LPA: variants seen among roughly 807,000 people sequenced by gnomAD.
LPA encodes apolipoprotein(a).
A neutral mutation model predicts 197.9 loss-of-function variants in LPA; 199 were observed. The ratio of observed to expected loss-of-function variants is 1.01; its 90% CI spans 0.90 to 1.13. The LOEUF (loss-of-function observed/expected upper bound fraction) is 1.13, where lower values mean the gene tolerates loss of function less well. LPA is among the 50% of genes most tolerant of loss of function. The pLI is 0.00. For missense variants in LPA, 1,853 were observed against 1,785.8 expected (o/e 1.04, Z -0.68); for synonymous variants, 715 against 639.5 (o/e 1.12, Z -1.78).
At chr6:160,539,430 T>C (rs1324401403) in intron 36 of LPA, among the ~76,000 whole-genome samples, 1 of 151,076 alleles carries the variant, frequency 6.6e-6, no homozygotes. Context: ...CATTTGTAAA[T>C]TGTATGTTGT....
chr6:160,578,555 G>A lies in LPA; in HGVS notation c.4439C>T (p.Pro1480Leu), dbSNP rs768808174. 9.9e-6 allele frequency: 16 copies of A among 1,613,842 alleles called. No individual in the cohort carries two copies. The highest frequency in any genetic ancestry group is 1.3e-5 in the Non-Finnish European group (15 of 1,179,766). Reference protein sequence around the residue: ...SSVLTTPTVAPVPSTEAPSEQ... With the variant: ...SSVLTTPTVALVPSTEAPSEQ... ...AGAAGGAGCCTCTGTGCTTGGAACC[G>A]GGGCCACTGTGGGAGTTGTGAGGAC... Residue 1480 changes from proline (P) to leucine (L), a missense_variant, in exon 27 of 39, where the codon CCG becomes CTG. Physicochemically the swap from Pro to Leu is moderately conservative, Grantham distance 98. Coordinates refer to ENST00000316300, the MANE Select transcript of LPA (RefSeq NM_005577.4).
At chr6:160,662,291 G>A (rs1192077881) in intron 1 of LPA, among the ~76,000 whole-genome samples, 2 of 152,192 alleles carry the variant, frequency 1.3e-5, no homozygotes, top group Non-Finnish European at 2.9e-5. Flanking sequence ...TTTTATTAAT[G>A]GTGTGAGAAT....
intron 26 of LPA, among the ~76,000 whole-genome samples, chr6:160,583,176 A>AT (rs1778832511): frequency 1.3e-5 from 2 of 151,400 alleles, no homozygotes; most frequent in African/African-American, 4.8e-5. Flanking sequence ...TTTTGGGTCT[A>AT]TTTGTATTGA....
At chr6:160,648,566 G>T (rs1779947212) in intron 2 of LPA, among the ~76,000 whole-genome samples, 1 of 152,026 alleles carries the variant, frequency 6.6e-6, no homozygotes, top group Non-Finnish European at 1.5e-5. Flanking sequence ...ATGTGTGTGT[G>T]TGTTTGTAAG....
At chr6:160,540,204 A>G (rs745751792) in intron 35 of LPA, 21 bp from the exon 36 acceptor site, 1 of 1,614,128 alleles carries the variant, frequency 6.2e-7, no homozygotes, top group Non-Finnish European at 8.5e-7. Flanking sequence ...TGAGGATGTC[A>G]AGAGAAAAAT....
chr6:160,545,372 T>A, intron 33 of LPA, 68 bp downstream of exon 33: 8 of 1,194,012 alleles, frequency 6.7e-6, no homozygotes, highest in Non-Finnish European at 9.9e-6. Context: ...TTTCTGTTTT[T>A]TTTGCTTTTT....
chr6:160,606,151 T>G (rs1166354627), intron 17 of LPA, among the ~76,000 whole-genome samples: 2 of 152,174 alleles, frequency 1.3e-5, no homozygotes, highest in Non-Finnish European at 2.9e-5. Flanking sequence ...CTTACTGGCT[T>G]GGAAAGAGTC....
chr6:160,572,512 A>G (rs1159740937), intron 28 of LPA, among the ~76,000 whole-genome samples: 9 of 152,194 alleles, frequency 5.9e-5, no homozygotes, highest in South Asian at 2.1e-4. Flanking sequence ...TGTGTGATTT[A>G]TGCTTTAAAG....
chr6:160,553,954 T>TGTGTGTGTGTGTGTGTGTGTGTGTGCGC (rs771903485), intron 30 of LPA, among the ~76,000 whole-genome samples: 12 of 130,746 alleles, frequency 9.2e-5, no homozygotes, highest in Non-Finnish European at 1.3e-4. Context: ...TGTGTGTGTG[T>TGTGTGTGTGTGTGTGTGTGTGTGTGCGC]GCGCGCGCGC....
chr6:160,557,595 G>A (rs1257062856), intron 28 of LPA, 24 bp from the exon 29 acceptor site: 1 of 1,612,498 alleles, frequency 6.2e-7, no homozygotes, highest in East Asian at 2.2e-5. Flanking sequence ...AACAACACAG[G>A]TCACAAGAGG....
intron 32 of LPA, among the ~76,000 whole-genome samples, chr6:160,547,305 A>G (rs916096197): frequency 1.3e-4 from 20 of 152,166 alleles, no homozygotes; most frequent in African/African-American, 4.8e-4. Context: ...GATTCCTCAC[A>G]TGTGCAGTTC....
chr6:160,556,629 C>G (rs776821099), intron 29 of LPA, among the ~76,000 whole-genome samples: 2 of 152,050 alleles, frequency 1.3e-5, no homozygotes, highest in Admixed American at 6.6e-5. Flanking sequence ...TTCTGGTGGA[C>G]GGGGCAGTTC....
rs41272102 is a variant in LPA, at chr6:160,586,531, C to T, written c.4047G>A (p.Thr1349=). The part of the protein sequence containing the change: ...PSVRWEYCNL[T]QCPVMESTLL... ...GAGTTGATTCCATCACTGGACATTG[C>T]GTCAGGTTGCAGTACTCCCATCTGA... The change falls in exon 25 of 39, where the codon ACG becomes ACA. Residue 1349 remains threonine, a synonymous_variant. Transcript: ENST00000316300. 4,549 of 1,613,762 alleles carry T rather than the reference C, an allele frequency of 2.8e-3. 116 individuals carry two copies. In the African/African-American group the frequency reaches 0.054, roughly 19 times the overall value.
chr6:160,544,813 T>C (rs1778038666), intron 33 of LPA, among the ~76,000 whole-genome samples: 3 of 152,190 alleles, frequency 2.0e-5, no homozygotes, highest in African/African-American at 4.8e-5. Flanking sequence ...TAAGATCTAA[T>C]GTCAATTCCC....
intron 20 of LPA, among the ~76,000 whole-genome samples, chr6:160,597,907 C>T (rs1779164006): frequency 6.6e-6 from 1 of 152,202 alleles, no homozygotes; most frequent in Admixed American, 6.5e-5. Flanking sequence ...TGTTGTTCAC[C>T]TGTAAAGAGT....
At chr6:160,546,305 G>C (rs1778070741) in intron 32 of LPA, among the ~76,000 whole-genome samples, 1 of 152,136 alleles carries the variant, frequency 6.6e-6, no homozygotes, top group African/African-American at 2.4e-5. Flanking sequence ...AACCCAACAA[G>C]ACTGCACTTG....
chr6:160,594,223 A>G, intron 21 of LPA, 106 bp from the exon 22 acceptor site: 4 of 1,410,256 alleles, frequency 2.8e-6, no homozygotes, highest in Non-Finnish European at 4.0e-6. Flanking sequence ...AAAGACTACC[A>G]TGCTCTGTTC....
In LPA at chr6:160,606,633, T is replaced by A. The variant is rs566459406; in HGVS notation, c.2629A>T (p.Asn877Tyr). 38 of 1,614,040 alleles carry A rather than the reference T, an allele frequency of 2.4e-5. 1 individual carries two copies. In the South Asian group the frequency reaches 4.0e-4, roughly 17 times the overall value. ...NAGLIMNYCR[N>Y]PDPVAAPYCY... ...TAAGGGGCTGCCACAGGATCTGGATTCCTGCAGTAGTTCATGATCAAGCCA... is the reference window on the plus strand; with the variant it reads ...TAAGGGGCTGCCACAGGATCTGGATACCTGCAGTAGTTCATGATCAAGCCA... Residue 877 changes from asparagine to tyrosine, a missense_variant, in exon 17 of 39, where the codon AAT becomes TAT. Physicochemically the swap from Asn to Tyr is moderately radical, Grantham distance 143. Coordinates refer to ENST00000316300, the MANE Select transcript of LPA (RefSeq NM_005577.4).
chr6:160,537,801 C>T, intron 37 of LPA, 54 bp downstream of exon 37: 1 of 1,489,798 alleles, frequency 6.7e-7, no homozygotes. Context: ...CATTTTGTAA[C>T]ATGCACTGAA....
Sources: gnomAD v4.1 joint callset for allele counts (sites outside exome capture counted in the v4.1 genomes callset) on GRCh38, gnomAD v4.1.1 for gene constraint, MANE v1.5 for transcripts, NCBI Gene and HGNC (gene_info 2026-07-23, HGNC 2026-07-21) for gene names.